The following SPATA13 variants were observed in gnomAD, a reference collection of about 807,000 sequenced individuals.
The protein encoded by SPATA13 is spermatogenesis-associated protein 13.
SPATA13 carries 50 observed loss-of-function variants against 104.0 expected under a neutral mutation model. The observed-to-expected ratio is 0.48, with a 90% CI of 0.38 to 0.61. The LOEUF is 0.61. Among genes scored for constraint, SPATA13 ranks in the 20% least tolerant of loss-of-function variants. The pLI is 0.00. For synonymous variants in SPATA13, 606 were observed against 667.5 expected, an observed-to-expected ratio of 0.91 and a Z score of 1.42; for missense variants, 1,524 against 1,690.6, an observed-to-expected ratio of 0.90 and a Z score of 1.73.
At chr13:24,116,737 T>A (rs922646052) in intron 3 of SPATA13, among the ~76,000 whole-genome samples, 1 of 150,598 alleles carries the variant, frequency 6.6e-6, no homozygotes. Context: ...CTTAACTGTG[T>A]CCCCCAAAAT....
intron 2 of SPATA13, among the ~76,000 whole-genome samples, chr13:23,984,425 T>G (rs1566061981): frequency 6.6e-6 from 1 of 152,248 alleles, no homozygotes; most frequent in Non-Finnish European, 1.5e-5. Flanking sequence ...TATATGAGGT[T>G]GCTTCTTGGC....
intron 3 of SPATA13, among the ~76,000 whole-genome samples, chr13:24,059,652 T>A (rs1878707795): frequency 6.6e-6 from 1 of 152,230 alleles, no homozygotes; most frequent in Admixed American, 6.5e-5. Flanking sequence ...AGTATAAGTG[T>A]GTCCATTTTA....
intron 3 of SPATA13, among the ~76,000 whole-genome samples, chr13:24,131,453 A>G (rs548976967): frequency 6.6e-6 from 1 of 152,204 alleles, no homozygotes; most frequent in South Asian, 2.1e-4. Flanking sequence ...TATCTTGTTT[A>G]CCTCAGAATC....
chr13:24,100,682 T>C (rs1880231382), intron 3 of SPATA13, among the ~76,000 whole-genome samples: 1 of 152,186 alleles, frequency 6.6e-6, no homozygotes, highest in Admixed American at 6.5e-5. Flanking sequence ...GGGGCTAGAA[T>C]TTTGATCTTC....
chr13:24,198,360 A>G (rs1280571166), intron 1 of SPATA13, among the ~76,000 whole-genome samples: 1 of 152,200 alleles, frequency 6.6e-6, no homozygotes, highest in Non-Finnish European at 1.5e-5. Flanking sequence ...CCACTCCTGT[A>G]CAAACAGAAT....
intron 3 of SPATA13, chr13:24,122,229 A>G (rs4769322): frequency 0.64 from 889,549 of 1,384,092 alleles, 291,611 homozygotes; most frequent in East Asian, 0.93. Context: ...TGTTCTTCAG[A>G]AAGATGGTGA....
intron 3 of SPATA13, among the ~76,000 whole-genome samples, chr13:24,039,598 G>A (rs943252345): frequency 6.6e-6 from 1 of 152,062 alleles, no homozygotes; most frequent in African/African-American, 2.4e-5. Flanking sequence ...CTTGGGCCTC[G>A]AGGGGTCGTT....
chr13:24,123,036 A>T, intron 3 of SPATA13: 1 of 944,770 alleles, frequency 1.1e-6, no homozygotes, highest in South Asian at 1.3e-5. Flanking sequence ...TACTTGGTTA[A>T]ATGTCATTGC....
At chr13:24,080,556 T>A (rs1879478496) in intron 3 of SPATA13, among the ~76,000 whole-genome samples, 1 of 152,180 alleles carries the variant, frequency 6.6e-6, no homozygotes, top group Non-Finnish European at 1.5e-5. Flanking sequence ...GTCAAGCCAG[T>A]CAGGCTGGAC....
At chr13:24,090,176 C>T (rs763396123) in intron 3 of SPATA13, among the ~76,000 whole-genome samples, 3 of 151,782 alleles carry the variant, frequency 2.0e-5, no homozygotes, top group Non-Finnish European at 4.4e-5. Flanking sequence ...AGATTTCCCC[C>T]CAGTTCTCTG....
In SPATA13 at chr13:24,297,379, A is replaced by T; in HGVS notation, c.3227A>T (p.Asp1076Val). The stretch of plus-strand genomic sequence containing the variant: ...TCCTTCCAGGGACTGGATATCTTAG[A>T]CCGAAGCTCAGAATTGATTCATTCT... ...IVGWEGLDIL[D>V]RSSELIHSGE... is the part of the protein sequence containing the mutation. The change falls in exon 11 of 13, where the codon GAC becomes GTC. Residue 1076 changes from aspartate to valine, a missense_variant. Physicochemically the swap from Asp to Val is radical, Grantham distance 152. Coordinates refer to ENST00000382108, the MANE Select transcript of SPATA13 (RefSeq NM_001166271.3). 1 of 1,610,768 alleles carries T rather than the reference A, an allele frequency of 6.2e-7. No individual in the cohort carries two copies. Among genetic ancestry groups the T allele is most frequent in the Admixed American group, 1.7e-5 (1 of 59,984 alleles).
chr13:24,303,401 G>A lies in SPATA13; in HGVS notation c.*628G>A, dbSNP rs983130514. 1 of 204,882 alleles carries A rather than the reference G, an allele frequency of 4.9e-6. No individual in the cohort carries two copies. Among genetic ancestry groups the A allele is most frequent in the Non-Finnish European group, 1.1e-5 (1 of 94,976 alleles). The allele number at this position is 204,882 out of a possible 1,614,324, so 12.7% of individuals were successfully genotyped here. A position where few individuals can be genotyped will look rare whatever the true frequency, so the allele number is the denominator to read the frequency against. On this transcript the variant is annotated 3_prime_UTR_variant, in exon 13 of 13. Coordinates refer to ENST00000382108, the MANE Select transcript of SPATA13 (RefSeq NM_001166271.3). ...CAAGGTTCCTCTTCCTGCAAGCAAA[G>A]TGGAGAGAAAGAAGATGCATCTGTC... is the stretch of plus-strand genomic sequence containing the variant.
At chr13:24,239,693 TAAAA>T (rs55881452) in intron 2 of SPATA13, among the ~76,000 whole-genome samples, 11 of 46,942 alleles carry the variant, frequency 2.3e-4, no homozygotes, top group Admixed American at 3.9e-4. Context: ...AGACCATATC[TAAAA>T]AAAAAAAAAA....
At chr13:24,219,202 GT>G (rs1871436721) in intron 1 of SPATA13, among the ~76,000 whole-genome samples, 2 of 152,070 alleles carry the variant, frequency 1.3e-5, no homozygotes, top group Admixed American at 1.3e-4. Context: ...GTTAATTGAG[GT>G]CAAATTATTA....
chr13:23,994,669 G>A (rs1395752612), intron 2 of SPATA13, among the ~76,000 whole-genome samples: 1 of 152,186 alleles, frequency 6.6e-6, no homozygotes, highest in Non-Finnish European at 1.5e-5. Flanking sequence ...GGTGAGAAAA[G>A]ACTAAAATGA....
Position 24,304,037 on chromosome 13 carries a change from T to A in SPATA13, c.*1264T>A, listed in dbSNP as rs1190699099. 1 of 152,252 alleles carries A rather than the reference T, an allele frequency of 6.6e-6. No homozygotes were observed. Among genetic ancestry groups the A allele is most frequent in the Non-Finnish European group, 1.5e-5 (1 of 68,048 alleles). 9.4% of individuals were successfully genotyped at this position (152,252 alleles called of 1,614,324 possible). A position where few individuals can be genotyped will look rare whatever the true frequency, so the allele number is the denominator to read the frequency against. Reference sequence around the variant, plus strand: ...AGGCACTCTCAAAGAGCCGCACTGCTCCTGACATCGTCCTTAGCAATGAAG... The same window carrying A: ...AGGCACTCTCAAAGAGCCGCACTGCACCTGACATCGTCCTTAGCAATGAAG... On this transcript the variant is annotated 3_prime_UTR_variant, in exon 13 of 13. Transcript: ENST00000382108.
chr13:24,216,994 G>T (rs1465130107), intron 1 of SPATA13, among the ~76,000 whole-genome samples: 1 of 152,148 alleles, frequency 6.6e-6, no homozygotes, highest in Non-Finnish European at 1.5e-5. Context: ...AGGTTGCAGT[G>T]TGCTGAAATT....
intron 1 of SPATA13, among the ~76,000 whole-genome samples, chr13:24,202,611 A>G (rs1198844378): frequency 2.1e-5 from 2 of 94,512 alleles, no homozygotes; most frequent in Non-Finnish European, 2.0e-5. Flanking sequence ...TTGTATTTGT[A>G]GATTTGGGAT....
chr13:24,101,866 T>G lies in SPATA13; in HGVS notation c.-112+84165T>G, dbSNP rs142848991. Among the ~76,000 whole-genome samples the G allele has an allele frequency of 3.9e-3, 587 of 152,368 alleles. 1 individual carries two copies. The highest frequency in any genetic ancestry group is 0.024 in the Middle Eastern group (7 of 294). ...TGTTGTGTGTGTTTACCACATGTTC[T>G]TTGCCCATTGGTCCATTGATGGACA... is the stretch of plus-strand genomic sequence containing the variant. On this transcript the variant is annotated intron_variant, in intron 3 of 14. Transcript: ENST00000424834.
Sources: gnomAD v4.1 joint callset for allele counts (sites outside exome capture counted in the v4.1 genomes callset) on GRCh38, gnomAD v4.1.1 for gene constraint, MANE v1.5 for transcripts, NCBI Gene and HGNC (gene_info 2026-07-23, HGNC 2026-07-21) for gene names.